The following EPB41L2 variants were observed in gnomAD, a reference collection of about 807,000 sequenced individuals.
EPB41L2 encodes the protein band 4.1-like protein 2.
Under a neutral mutation model 113.0 loss-of-function variants are expected in EPB41L2, and 43 were observed. The observed-to-expected ratio is 0.38, with a 90% CI of 0.30 to 0.49. EPB41L2 has a LOEUF of 0.49. Ranked by LOEUF, EPB41L2 falls within the 20% of genes least tolerant of loss-of-function variation. EPB41L2 has a pLI of 0.95. For missense variants in EPB41L2, 1,147 were observed against 1,223.4 expected, an observed-to-expected ratio of 0.94 and a Z score of 0.93; for synonymous variants, 442 against 436.7, an observed-to-expected ratio of 1.01 and a Z score of -0.15.
intron 1 of EPB41L2, among the ~76,000 whole-genome samples, chr6:130,993,678 CG>C (rs1316294195): frequency 6.8e-6 from 1 of 146,498 alleles, no homozygotes; most frequent in Non-Finnish European, 1.5e-5. Context: ...TTGCTGACAC[CG>C]GCTGCTGGCG....
chr6:130,909,660 C>G (rs1415333500), intron 4 of EPB41L2, among the ~76,000 whole-genome samples: 2 of 152,224 alleles, frequency 1.3e-5, no homozygotes, highest in Admixed American at 1.3e-4. Flanking sequence ...CCAAAATCTA[C>G]TTAAGCTGAT....
At chr6:130,901,228 A>G in intron 6 of EPB41L2, 48 bp from the exon 7 acceptor site, 1 of 1,542,290 alleles carries the variant, frequency 6.5e-7, no homozygotes, top group Non-Finnish European at 8.9e-7. Flanking sequence ...CCATTAGGTG[A>G]GATTGGAGCA....
At chr6:131,002,869 C>T (rs568906153) in intron 1 of EPB41L2, among the ~76,000 whole-genome samples, 1 of 152,130 alleles carries the variant, frequency 6.6e-6, no homozygotes, top group African/African-American at 2.4e-5. Context: ...ATGGATTTAA[C>T]CCTCGGGGTC....
At chr6:130,898,990 G>A (rs979242670) in intron 8 of EPB41L2, among the ~76,000 whole-genome samples, 8 of 151,980 alleles carry the variant, frequency 5.3e-5, no homozygotes, top group Non-Finnish European at 7.4e-5. Context: ...GCCCACCTAC[G>A]TTATCTTTCA....
chr6:131,010,302 G>C (rs1786609739), intron 1 of EPB41L2, among the ~76,000 whole-genome samples: 1 of 152,100 alleles, frequency 6.6e-6, no homozygotes, highest in Non-Finnish European at 1.5e-5. Flanking sequence ...GCACTGCCCA[G>C]AATTCCAGGT....
intron 1 of EPB41L2, among the ~76,000 whole-genome samples, chr6:131,023,468 A>G (rs1789996900): frequency 6.6e-6 from 1 of 152,136 alleles, no homozygotes; most frequent in South Asian, 2.1e-4. Flanking sequence ...GTGGATCACA[A>G]GGTCAGAAGT....
Position 130,858,850 on chromosome 6 carries a change from T to C in EPB41L2, c.2911-607A>G, listed in dbSNP as rs1053251060. ...GAACTAAAGAGCAGTAGCAACAACA[T>C]ACAATTAGTAAAGCTAAAGAACAGA... On this transcript the variant is annotated intron_variant, in intron 18 of 19. Coordinates refer to ENST00000337057, the MANE Select transcript of EPB41L2 (RefSeq NM_001431.4). Among the ~76,000 whole-genome samples the C allele has an allele frequency of 5.9e-5, 9 of 152,234 alleles. No individual in the cohort carries two copies. In the East Asian group the frequency reaches 1.5e-3, roughly 26 times the overall value.
Position 130,887,646 on chromosome 6 carries a change from G to A in EPB41L2, c.1661-2378C>T, listed in dbSNP as rs566529761. Among the ~76,000 whole-genome samples, 144 of 152,240 alleles carry A rather than the reference G, an allele frequency of 9.5e-4. 1 individual carries two copies. The highest frequency in any genetic ancestry group is 1.9e-3 in the Non-Finnish European group (129 of 68,024). ...TCCCTCACCTTATAGCTTCATCGTT[G>A]CCGCCTCTGCTACCTGGAATGCTTT... On this transcript the variant is annotated intron_variant, in intron 11 of 19. Coordinates refer to ENST00000337057, the MANE Select transcript of EPB41L2 (RefSeq NM_001431.4).
At chr6:131,058,540 TCTTC>T (rs1798038350) in intron 1 of EPB41L2, among the ~76,000 whole-genome samples, 1 of 152,186 alleles carries the variant, frequency 6.6e-6, no homozygotes, top group East Asian at 1.9e-4. Context: ...TATCAAAGAA[TCTTC>T]ACTAAAGATT....
intron 1 of EPB41L2, chr6:131,014,282 T>C: frequency 6.6e-6 from 1 of 152,188 alleles, no homozygotes. Context: ...GGTGGTAAAT[T>C]ATGCAACAGC....
At chr6:131,047,535 A>T (rs1795697717) in intron 1 of EPB41L2, among the ~76,000 whole-genome samples, 1 of 152,154 alleles carries the variant, frequency 6.6e-6, no homozygotes, top group African/African-American at 2.4e-5. Flanking sequence ...CCAACATAAA[A>T]ATCCTGCCTG....
At chr6:130,958,388 G>T (rs1818184677) in intron 1 of EPB41L2, among the ~76,000 whole-genome samples, 1 of 149,402 alleles carries the variant, frequency 6.7e-6, no homozygotes, top group South Asian at 2.1e-4. Context: ...GGAGGCAGAG[G>T]TTGCAGTGAG....
intron 3 of EPB41L2, among the ~76,000 whole-genome samples, chr6:130,944,143 T>TTATA (rs753734867): frequency 7.3e-6 from 1 of 136,168 alleles, no homozygotes; most frequent in East Asian, 2.5e-4. Flanking sequence ...GGTGGGTGGA[T>TTATA]TATATATATA....
At chr6:130,952,556 CTG>C (rs1815546793) in intron 3 of EPB41L2, among the ~76,000 whole-genome samples, 1 of 152,098 alleles carries the variant, frequency 6.6e-6, no homozygotes, top group Admixed American at 6.6e-5. Flanking sequence ...ATCTAAAACA[CTG>C]TAATCCCAGC....
chr6:130,872,669 G>C, intron 14 of EPB41L2: 1 of 586,346 alleles, frequency 1.7e-6, no homozygotes, highest in Non-Finnish European at 2.4e-6. Context: ...GAAAAGATGA[G>C]AATTCTGACA....
At chr6:130,876,636 A>T in intron 14 of EPB41L2, 1 of 1,197,766 alleles carries the variant, frequency 8.3e-7, no homozygotes, top group South Asian at 1.3e-5. Flanking sequence ...GGAAAGGGGG[A>T]AAAAGCAAGA....
chr6:131,017,367 G>C (rs1788474098), intron 1 of EPB41L2, among the ~76,000 whole-genome samples: 1 of 152,080 alleles, frequency 6.6e-6, no homozygotes, highest in Non-Finnish European at 1.5e-5. Context: ...TCACTGATGA[G>C]TAGAAATCAT....
chr6:130,873,224 T>A (rs760198668), intron 14 of EPB41L2, among the ~76,000 whole-genome samples: 28 of 152,114 alleles, frequency 1.8e-4, no homozygotes, highest in Non-Finnish European at 3.8e-4. Flanking sequence ...CAATTCAAAA[T>A]AGGAAGACAA....
Position 130,869,715 on chromosome 6 carries a change from C to T in EPB41L2, c.2455G>A (p.Gly819Ser). Residue 819 changes from glycine to serine, a missense_variant, in exon 15 of 20, where the codon GGT (glycine) becomes AGT (serine). Coordinates refer to ENST00000337057, the MANE Select transcript of EPB41L2 (RefSeq NM_001431.4). ...TTCTCTCCGGGTATCTTTTGGGCAC[C>T]TACATTTTCCTGGATCACTGTTTCT... Reference protein sequence around the residue: ...TVETVIQENVGAQKIPGEKSV... With the variant: ...TVETVIQENVSAQKIPGEKSV... 6.2e-7 allele frequency: 1 copy of T among 1,614,166 alleles called. No individual in the cohort carries two copies. Among genetic ancestry groups the T allele is most frequent in the Non-Finnish European group, 8.5e-7 (1 of 1,180,024 alleles).
Sources: gnomAD v4.1 joint callset for allele counts (sites outside exome capture counted in the v4.1 genomes callset) on GRCh38, gnomAD v4.1.1 for gene constraint, MANE v1.5 for transcripts, NCBI Gene and HGNC (gene_info 2026-07-23, HGNC 2026-07-21) for gene names.